LRRC37A2: variants seen among roughly 807,000 people sequenced by gnomAD.
The protein encoded by LRRC37A2 is leucine rich repeat containing 37 member A2, also known as leucine-rich repeat-containing protein 37A2.
Under a neutral mutation model 68.8 loss-of-function variants are expected in LRRC37A2, and 9 were observed. The ratio of observed to expected loss-of-function variants is 0.13; its 90% confidence interval spans 0.08 to 0.23. LRRC37A2 has a LOEUF of 0.23. Among genes scored for constraint, LRRC37A2 ranks in the 10% least tolerant of loss-of-function variants. The pLI, the probability that LRRC37A2 is intolerant of heterozygous loss-of-function variation, is 1.00. For missense variants in LRRC37A2, 168 were observed against 950.4 expected, an observed-to-expected ratio of 0.18 and a Z score of 10.82; for synonymous variants, 63 against 367.6, an observed-to-expected ratio of 0.17 and a Z score of 9.48.
chr17:46,425,011 GA>G, the LRRC37A2 span, among the ~76,000 whole-genome samples: 1 of 78,600 alleles, frequency 1.3e-5, no homozygotes, highest in Non-Finnish European at 3.4e-5. Flanking sequence ...CAAGTGAAGA[GA>G]AAGCAAAGAA....
At chr17:46,827,886 T>A in the LRRC37A2 span, among the ~76,000 whole-genome samples, 1 of 151,692 alleles carries the variant, frequency 6.6e-6, no homozygotes, top group Admixed American at 6.6e-5. Context: ...CTCGGCTCAC[T>A]GCAAGCTCCG....
the LRRC37A2 span, chr17:46,755,745 G>GTTT: frequency 9.6e-7 from 1 of 1,045,780 alleles, no homozygotes; most frequent in Non-Finnish European, 1.4e-6. Flanking sequence ...TTTTTTTGAT[G>GTTT]AATAGTTTTT....
At chr17:46,999,999 A>AAAAT in the LRRC37A2 span, among the ~76,000 whole-genome samples, 3 of 6,844 alleles carry the variant, frequency 4.4e-4, no homozygotes, top group African/African-American at 6.5e-4. Context: ...ACTCCATCTC[A>AAAAT]AAATAAAATA....
chr17:47,023,494 G>A, the LRRC37A2 span, among the ~76,000 whole-genome samples: 1 of 151,966 alleles, frequency 6.6e-6, no homozygotes, highest in Non-Finnish European at 1.5e-5. Flanking sequence ...CAGCCTGGCC[G>A]ATAGGGCGAA....
At chr17:46,739,200 G>A in the LRRC37A2 span, among the ~76,000 whole-genome samples, 8 of 151,764 alleles carry the variant, frequency 5.3e-5, no homozygotes, top group African/African-American at 1.7e-4. Context: ...TGAAACCCCC[G>A]CCTCTACTAA....
chr17:46,823,400 G>C, the LRRC37A2 span, among the ~76,000 whole-genome samples: 1 of 150,764 alleles, frequency 6.6e-6, no homozygotes, highest in East Asian at 1.9e-4. Context: ...ATTTTTAGTA[G>C]AGACAGGGTT....
At chr17:46,917,469 G>A in the LRRC37A2 span, among the ~76,000 whole-genome samples, 3 of 152,340 alleles carry the variant, frequency 2.0e-5, no homozygotes, top group East Asian at 5.8e-4. Context: ...TCCCACTCCT[G>A]GACATGCTGG....
At chr17:46,913,119 C>T in the LRRC37A2 span, among the ~76,000 whole-genome samples, 4 of 152,170 alleles carry the variant, frequency 2.6e-5, no homozygotes, top group Non-Finnish European at 4.4e-5. Flanking sequence ...TTCCAGGTGA[C>T]GGCTCTTCCA....
the LRRC37A2 span, among the ~76,000 whole-genome samples, chr17:46,999,496 ACGCCACCATGCC>A: frequency 6.6e-6 from 1 of 152,048 alleles, no homozygotes; most frequent in Non-Finnish European, 1.5e-5. Flanking sequence ...CTACAGGCAC[ACGCCACCATGCC>A]TGGCTAATTT....
chr17:46,923,269 G>T, the LRRC37A2 span: 1 of 1,550,454 alleles, frequency 6.4e-7, no homozygotes, highest in Admixed American at 2.0e-5. Context: ...GGCGAGGCCA[G>T]GTGAGCCTGG....
chr17:46,941,649 C>T, the LRRC37A2 span: 3,116 of 162,584 alleles, frequency 0.019, 39 homozygotes, highest in Non-Finnish European at 0.029. Flanking sequence ...TCTTGGCTCA[C>T]TGCATCCTCT....
chr17:46,734,088 C>T, the LRRC37A2 span, among the ~76,000 whole-genome samples: 2 of 152,166 alleles, frequency 1.3e-5, no homozygotes, highest in Non-Finnish European at 2.9e-5. Context: ...CCTTACATGA[C>T]ATCTTAGCAG....
At chr17:46,751,079 A>G in the LRRC37A2 span, among the ~76,000 whole-genome samples, 1 of 152,288 alleles carries the variant, frequency 6.6e-6, no homozygotes, top group Non-Finnish European at 1.5e-5. Flanking sequence ...GGCCCCCAAC[A>G]AAATTGAAAT....
the LRRC37A2 span, among the ~76,000 whole-genome samples, chr17:46,907,914 T>C: frequency 1.3e-5 from 2 of 151,708 alleles, no homozygotes; most frequent in African/African-American, 2.4e-5. Context: ...AAAGGCCCCA[T>C]CAATTTCTAT....
the LRRC37A2 span, among the ~76,000 whole-genome samples, chr17:46,897,374 C>A: frequency 6.6e-6 from 1 of 152,182 alleles, no homozygotes; most frequent in African/African-American, 2.4e-5. Flanking sequence ...TCCGAGGCTA[C>A]CATTAGCCAA....
chr17:46,703,765 A>G, the LRRC37A2 span, among the ~76,000 whole-genome samples: 1 of 148,958 alleles, frequency 6.7e-6, no homozygotes, highest in South Asian at 2.1e-4. Flanking sequence ...ATTCAGTGGC[A>G]TTAAATACAT....
the LRRC37A2 span, chr17:47,024,783 A>C: frequency 1.3e-6 from 1 of 742,912 alleles, no homozygotes; most frequent in Non-Finnish European, 2.5e-6. Flanking sequence ...ATGAGTTTTT[A>C]GTCATATTAT....
the LRRC37A2 span, among the ~76,000 whole-genome samples, chr17:46,765,002 A>T: frequency 1.3e-5 from 2 of 152,248 alleles, no homozygotes; most frequent in African/African-American, 4.8e-5. Context: ...CCAGGCATGC[A>T]CTGTGTTTTT....
At chr17:46,863,551 G>A in the LRRC37A2 span, among the ~76,000 whole-genome samples, 1 of 152,184 alleles carries the variant, frequency 6.6e-6, no homozygotes, top group Non-Finnish European at 1.5e-5. Flanking sequence ...GGGGGATGGG[G>A]CTGGCAAGTA....
Sources: gnomAD v4.1 joint callset for allele counts (sites outside exome capture counted in the v4.1 genomes callset) on GRCh38, gnomAD v4.1.1 for gene constraint, MANE v1.5 for transcripts, NCBI Gene and HGNC (gene_info 2026-07-23, HGNC 2026-07-21) for gene names.